The following NFKB1 variants were observed in gnomAD, a reference collection of about 807,000 sequenced individuals.
The protein encoded by NFKB1 is nuclear factor NF-kappa-B p105 subunit.
A neutral mutation model predicts 105.1 loss-of-function variants in NFKB1; 9 were observed. That is an observed-to-expected ratio of 0.09 (90% CI 0.05 to 0.15). The LOEUF is 0.15. Among genes scored for constraint, NFKB1 ranks in the 10% least tolerant of loss-of-function variants. The pLI is 1.00. For synonymous variants in NFKB1, 440 were observed against 442.2 expected (o/e 1.00, Z 0.06); for missense variants, 830 against 1,203.7 (o/e 0.69, Z 4.59).
At chr4:102,508,386 G>A (rs1739565144) in intron 1 of NFKB1, among the ~76,000 whole-genome samples, 1 of 152,166 alleles carries the variant, frequency 6.6e-6, no homozygotes, top group African/African-American at 2.4e-5. Context: ...GAAATTAGAA[G>A]TTGAAAGCAA....
chr4:102,593,533 G>A lies in NFKB1; in HGVS notation c.1175G>A (p.Gly392Asp). Reference sequence around the variant, plus strand: ...GGAGGCGGAGGCATGTTTGGTAGTGGCGGTGGAGGAGGGGGCACTGGAAGT... The same window carrying A: ...GGAGGCGGAGGCATGTTTGGTAGTGACGGTGGAGGAGGGGGCACTGGAAGT... ...GAGGGGMFGS[G>D]GGGGGTGSTG... Residue 392 changes from glycine (G) to aspartate (D), a missense_variant, in exon 12 of 24, where the codon GGC becomes GAC. By Grantham distance (94) the Gly-to-Asp change is moderately conservative. This residue lies in a region of NFKB1 where 163 missense variants were observed against 164.3 expected (regional missense o/e 0.99). Transcript: ENST00000226574. The A allele has an allele frequency of 6.2e-7, 1 of 1,613,832 alleles. No homozygotes were observed. The highest frequency in any genetic ancestry group is 8.5e-7 in the Non-Finnish European group (1 of 1,179,762).
chr4:102,579,079 G>C (rs1171085522), intron 8 of NFKB1, 40 bp downstream of exon 8: 2 of 1,593,074 alleles, frequency 1.3e-6, no homozygotes, highest in East Asian at 2.2e-5. Context: ...ACCAAGAATA[G>C]ACTTCCAGCC....
At chr4:102,583,667 T>C (rs988587018) in intron 10 of NFKB1, among the ~76,000 whole-genome samples, 10 of 152,208 alleles carry the variant, frequency 6.6e-5, no homozygotes, top group African/African-American at 2.2e-4. Flanking sequence ...TCCTGTTAAA[T>C]GAAGATTTCC....
chr4:102,546,091 A>T (rs1722118541), intron 5 of NFKB1, among the ~76,000 whole-genome samples: 1 of 152,066 alleles, frequency 6.6e-6, no homozygotes, highest in African/African-American at 2.4e-5. Flanking sequence ...CTGTCTCTAT[A>T]AAAAAAATTT....
In NFKB1 at chr4:102,616,453, C is replaced by T. The variant is rs765546864; in HGVS notation, c.2769C>T (p.Asp923=). The T allele has an allele frequency of 6.2e-7, 1 of 1,614,100 alleles. No individual in the cohort carries two copies. Among genetic ancestry groups the T allele is most frequent in the Admixed American group, 1.7e-5 (1 of 60,022 alleles). ...RQQIDELRDS[D]SVCDSGVETS... is the part of the protein sequence containing the mutation. ...CCTCAGACGAGCTCCGAGACAGTGA[C>T]AGTGTCTGCGACAGCGGCGTGGAGA... The change falls in exon 24 of 24, where the codon GAC becomes GAT. Residue 923 remains aspartate, a synonymous_variant. Transcript: ENST00000226574.
intron 5 of NFKB1, among the ~76,000 whole-genome samples, chr4:102,552,520 A>C (rs1171648289): frequency 6.6e-6 from 1 of 152,168 alleles, no homozygotes; most frequent in Non-Finnish European, 1.5e-5. Flanking sequence ...CTTGTATTAC[A>C]ATAAGTAATT....
chr4:102,554,177 G>A (rs1722817016), intron 5 of NFKB1, among the ~76,000 whole-genome samples: 1 of 152,154 alleles, frequency 6.6e-6, no homozygotes, highest in African/African-American at 2.4e-5. Flanking sequence ...GAGGTTAGGT[G>A]ACTCACGCAG....
Position 102,610,592 on chromosome 4 carries a change from G to C in NFKB1, c.2245G>C (p.Glu749Gln). 6.2e-7 allele frequency: 1 copy of C among 1,613,942 alleles called. No homozygotes were observed. The highest frequency in any genetic ancestry group is 8.5e-7 in the Non-Finnish European group (1 of 1,179,898). ...CTTCGCAGGAGCAGATCCCCTGGTG[G>C]AGAACTTTGAGCCTCTCTATGACCT... is the stretch of plus-strand genomic sequence containing the variant. ...LKAAGADPLV[E>Q]NFEPLYDLDD... The change falls in exon 20 of 24, where the codon GAG (glutamate) becomes CAG (glutamine). Residue 749 changes from glutamate (E) to glutamine (Q), a missense_variant. Coordinates refer to ENST00000226574, the MANE Select transcript of NFKB1 (RefSeq NM_003998.4).
chr4:102,524,536 G>T (rs1740776911), intron 1 of NFKB1, among the ~76,000 whole-genome samples: 1 of 152,114 alleles, frequency 6.6e-6, no homozygotes. Context: ...GGGGCTGGGG[G>T]TGATTTTGTG....
chr4:102,528,205 A>G (rs1374721743), intron 2 of NFKB1, among the ~76,000 whole-genome samples: 3 of 152,270 alleles, frequency 2.0e-5, no homozygotes, highest in Admixed American at 6.5e-5. Context: ...CCAGTCATTT[A>G]GCCACCACAG....
chr4:102,598,956 A>AT (rs1369147728), intron 15 of NFKB1, among the ~76,000 whole-genome samples: 1 of 152,206 alleles, frequency 6.6e-6, no homozygotes, highest in Non-Finnish European at 1.5e-5. Flanking sequence ...TCATAAGAGC[A>AT]TAGGTATAGG....
In NFKB1 at chr4:102,564,441, G is replaced by C. The variant is rs546646909; in HGVS notation, c.259-2546G>C. Among the ~76,000 whole-genome samples, 60 of 152,204 alleles carry C rather than the reference G, an allele frequency of 3.9e-4. 1 individual carries two copies. The highest frequency in any genetic ancestry group is 2.5e-3 in the Admixed American group (38 of 15,282). On this transcript the variant is annotated intron_variant, in intron 5 of 23. Transcript: ENST00000226574. ...GCTTTCTTCTTTCATCAGTATTTTG[G>C]AAAGTCCACAAAACCCAGGGGGCTC... is the stretch of plus-strand genomic sequence containing the variant.
chr4:102,584,971 T>A, intron 11 of NFKB1, 151 bp downstream of exon 11: 1 of 645,600 alleles, frequency 1.5e-6, no homozygotes, highest in Non-Finnish European at 2.5e-6. Flanking sequence ...AACTTCGAAC[T>A]CCTGGCCTCA....
chr4:102,578,202 C>T (rs1725023379), intron 7 of NFKB1: 2 of 154,786 alleles, frequency 1.3e-5, no homozygotes, highest in South Asian at 4.1e-4. Context: ...TTTCAATATT[C>T]AGAGCAAATA....
rs1251484219 is a variant in NFKB1, at chr4:102,606,664, G to A, written c.1921G>A (p.Ala641Thr). The A allele has an allele frequency of 2.5e-6, 4 of 1,614,164 alleles. No homozygotes were observed. The highest frequency in any genetic ancestry group is 2.2e-5 in the East Asian group (1 of 44,884). Residue 641 changes from alanine to threonine, a missense_variant, in exon 17 of 24, where the codon GCA becomes ACA. Ala to Thr is a moderately conservative substitution (Grantham distance 58). Coordinates refer to ENST00000226574, the MANE Select transcript of NFKB1 (RefSeq NM_003998.4). Reference protein sequence around the residue: ...VLSILLKHKKAALLLDHPNGD... With the variant: ...VLSILLKHKKTALLLDHPNGD... The stretch of plus-strand genomic sequence containing the variant: ...CAGTATCTTACTCAAGCACAAAAAG[G>A]CAGCACTACTTCTTGACCACCCCAA...
intron 5 of NFKB1, among the ~76,000 whole-genome samples, chr4:102,547,362 G>C (rs1249601707): frequency 6.6e-6 from 1 of 152,148 alleles, no homozygotes; most frequent in Non-Finnish European, 1.5e-5. Context: ...CTAGAAAGAG[G>C]TATTACAACT....
intron 3 of NFKB1, among the ~76,000 whole-genome samples, chr4:102,531,893 T>G (rs1332533300): frequency 6.6e-6 from 1 of 152,216 alleles, no homozygotes. Flanking sequence ...CTCTGTATTT[T>G]TCATGACATC....
chr4:102,533,994 A>T, intron 4 of NFKB1, 109 bp downstream of exon 4: 1 of 898,206 alleles, frequency 1.1e-6, no homozygotes. Context: ...AGTTTATCTG[A>T]AAGATCAACA....
At chr4:102,508,177 G>C (rs1739549609) in intron 1 of NFKB1, among the ~76,000 whole-genome samples, 1 of 152,160 alleles carries the variant, frequency 6.6e-6, no homozygotes, top group Non-Finnish European at 1.5e-5. Context: ...ATTGGTGTTT[G>C]ACTGTTAAGA....
Sources: gnomAD v4.1 joint callset for allele counts (sites outside exome capture counted in the v4.1 genomes callset) on GRCh38, gnomAD v4.1.1 for gene constraint, gnomAD v4.1.1 regional missense constraint, MANE v1.5 for transcripts, NCBI Gene and HGNC (gene_info 2026-07-23, HGNC 2026-07-21) for gene names.